GNAI1: variants seen among roughly 807,000 people sequenced by gnomAD.
GNAI1 encodes the protein G protein subunit alpha i1.
Under a neutral mutation model 38.9 loss-of-function variants are expected in GNAI1, and 11 were observed. That is an observed-to-expected ratio of 0.28 (90% confidence interval 0.18 to 0.47). The LOEUF (loss-of-function observed/expected upper bound fraction) is 0.47, where lower values mean the gene tolerates loss of function less well. GNAI1 is among the 20% of genes least tolerant of loss of function. The pLI, the probability that GNAI1 is intolerant of heterozygous loss-of-function variation, is 0.99. For missense variants in GNAI1, 317 were observed against 436.9 expected (o/e 0.73, Z 2.45); for synonymous variants, 166 against 145.1 (o/e 1.14, Z -1.04).
intron 1 of GNAI1, among the ~76,000 whole-genome samples, chr7:80,166,914 C>G (rs993668819): frequency 3.3e-5 from 5 of 152,164 alleles, no homozygotes; most frequent in African/African-American, 1.2e-4. Flanking sequence ...ATGTATAAAG[C>G]ACTTTTGTCA....
At position 80,222,401 on chromosome 7, in the gene GNAI1, T is replaced by TTC. The variant is rs71079104; in HGVS notation, c.*4908_*4909insTC. ...AATTTAATTTTTTTTTTTTTTTTTT[T>TTC]CCTGAGACAGAGTTTCGTTCTTGTT... On this transcript the variant is annotated 3_prime_UTR_variant, in exon 8 of 8. Transcript: ENST00000649796. 7.6e-6 allele frequency among the ~76,000 whole-genome samples: 1 copy of TTC among 131,838 alleles called. No individual in the cohort carries two copies. The highest frequency in any genetic ancestry group is 2.5e-4 in the East Asian group (1 of 4,072). The allele number at this position is 131,838 out of a possible 152,430, so 86.5% of individuals were successfully genotyped here.
chr7:80,208,925 T>C (rs536687670), intron 5 of GNAI1, among the ~76,000 whole-genome samples: 1 of 152,320 alleles, frequency 6.6e-6, no homozygotes, highest in South Asian at 2.1e-4. Flanking sequence ...CATGTTTTCA[T>C]TTCCTTCTGA....
rs80282766 is a variant in GNAI1, at chr7:80,187,876, G to A, written c.119-1075G>A. ...ATTGATCTAATTTGGTATAAAGATA[G>A]CAGCTATTGTTAAGTGGAAAGGGTA... On this transcript the variant is annotated intron_variant, in intron 1 of 7. Coordinates refer to ENST00000649796, the MANE Select transcript of GNAI1 (RefSeq NM_002069.6). Among the ~76,000 whole-genome samples the A allele has an allele frequency of 2.0e-3, 306 of 152,256 alleles. 8 individuals carry two copies. The East Asian group carries it at 0.048, about 24-fold the overall frequency.
chr7:80,179,004 A>G (rs1484273357), intron 1 of GNAI1, among the ~76,000 whole-genome samples: 1 of 152,216 alleles, frequency 6.6e-6, no homozygotes. Context: ...ACAAAAGTGT[A>G]ATGTATTACA....
chr7:80,160,878 C>T (rs1227293275), intron 1 of GNAI1, among the ~76,000 whole-genome samples: 3 of 151,838 alleles, frequency 2.0e-5, no homozygotes, highest in Non-Finnish European at 4.4e-5. Flanking sequence ...AAAAAAATGT[C>T]CTGGTAACTA....
Position 80,221,764 on chromosome 7 carries a change from T to C in GNAI1, c.*4271T>C, listed in dbSNP as rs574343923. On this transcript the variant is annotated 3_prime_UTR_variant, in exon 8 of 8. Transcript: ENST00000649796. Reference sequence around the variant, plus strand: ...TTCAAGCAATTGTCCTGCCTCAGCCTCCCGAGTAGCTGGGATTACAGGCAT... The same window carrying C: ...TTCAAGCAATTGTCCTGCCTCAGCCCCCCGAGTAGCTGGGATTACAGGCAT... Among the ~76,000 whole-genome samples, 63 of 144,396 alleles carry C rather than the reference T, an allele frequency of 4.4e-4. No individual in the cohort carries two copies. Among genetic ancestry groups the C allele is most frequent in the African/African-American group, 1.6e-3 (63 of 39,276 alleles). 94.7% of individuals were successfully genotyped at this position (144,396 alleles called of 152,430 possible). A position where few individuals can be genotyped will look rare whatever the true frequency, so the allele number is the denominator to read the frequency against.
chr7:80,194,031 A>G (rs762321991), intron 3 of GNAI1, among the ~76,000 whole-genome samples: 1 of 152,028 alleles, frequency 6.6e-6, no homozygotes, highest in Non-Finnish European at 1.5e-5. Context: ...TACTTTCATT[A>G]GTTAGTTTGT....
rs1308443107 is a variant in GNAI1 at position 80,219,941 on chromosome 7, C to G, written c.*2448C>G. Among the ~76,000 whole-genome samples, 3 of 152,234 alleles carry G rather than the reference C, an allele frequency of 2.0e-5. No homozygotes were observed. The highest frequency in any genetic ancestry group is 7.2e-5 in the African/African-American group (3 of 41,548). On this transcript the variant is annotated 3_prime_UTR_variant, in exon 8 of 8. Coordinates refer to ENST00000649796, the MANE Select transcript of GNAI1 (RefSeq NM_002069.6). ...TTTTTTGTTTGTTTTCCTTTCTATT[C>G]CTACTACTACCTATTCAAGTCTTTG... is the stretch of plus-strand genomic sequence containing the variant.
chr7:80,186,157 C>T (rs550796924), intron 1 of GNAI1, among the ~76,000 whole-genome samples: 2 of 151,730 alleles, frequency 1.3e-5, no homozygotes, highest in South Asian at 2.1e-4. Flanking sequence ...CTCAGCCTCC[C>T]GAGTAGCTGG....
Position 80,180,561 on chromosome 7 carries a change from G to A in GNAI1, c.119-8390G>A, listed in dbSNP as rs961229440. The stretch of plus-strand genomic sequence containing the variant: ...TATTTGGCCTTCACTTGGTACAGAT[G>A]CCTCATTAACCTCCTTTGTTTTTCC... On this transcript the variant is annotated intron_variant, in intron 1 of 7. Transcript: ENST00000649796. Among the ~76,000 whole-genome samples, 4 of 152,210 alleles carry A rather than the reference G, an allele frequency of 2.6e-5. No homozygotes were observed. The East Asian group carries it at 7.7e-4, about 29-fold the overall frequency.
Position 80,210,979 on chromosome 7 carries a change from G to A in GNAI1, c.601G>A (p.Val201Met). The change falls in exon 6 of 8, where the codon GTG becomes ATG. Residue 201 changes from valine (V) to methionine (M), a missense_variant. Coordinates refer to ENST00000649796, the MANE Select transcript of GNAI1 (RefSeq NM_002069.6). ...FKDLHFKMFD[V>M]GGQRSERKKW... ...TTCTCCTCTTAACAGAATGTTTGATGTGGGAGGTCAGAGATCTGAGCGGAA... is the reference window on the plus strand; with the variant it reads ...TTCTCCTCTTAACAGAATGTTTGATATGGGAGGTCAGAGATCTGAGCGGAA... The A allele has an allele frequency of 1.2e-6, 2 of 1,613,200 alleles. No individual in the cohort carries two copies. Among genetic ancestry groups the A allele is most frequent in the Non-Finnish European group, 1.7e-6 (2 of 1,179,184 alleles).
chr7:80,159,294 A>C (rs1787876866), intron 1 of GNAI1, among the ~76,000 whole-genome samples: 1 of 152,154 alleles, frequency 6.6e-6, no homozygotes, highest in Non-Finnish European at 1.5e-5. Flanking sequence ...CACCATACTC[A>C]GAAACATAGT....
At chr7:80,198,403 A>G (rs188551748) in intron 3 of GNAI1, among the ~76,000 whole-genome samples, 2 of 152,284 alleles carry the variant, frequency 1.3e-5, no homozygotes, top group Admixed American at 6.5e-5. Context: ...GTTGCACATT[A>G]TATTTCTCTT....
intron 7 of GNAI1, 66 bp from the exon 8 acceptor site, chr7:80,217,237 A>ACTT: frequency 9.6e-7 from 1 of 1,037,960 alleles, no homozygotes; most frequent in Non-Finnish European, 1.4e-6. Flanking sequence ...TATGAAACTG[A>ACTT]ATTCAGTATT....
rs776863773 is a variant in GNAI1 at position 80,212,805 on chromosome 7, G to A, written c.810G>A (p.Lys270=). The stretch of plus-strand genomic sequence containing the variant: ...CATCCATTATACTTTTTCTAAACAA[G>A]AAGGATCTCTTTGAAGAAAAAATCA... ...TDTSIILFLN[K]KDLFEEKIKK... The change falls in exon 7 of 8, where the codon AAG becomes AAA. Residue 270 remains lysine (K), a synonymous_variant. Transcript: ENST00000649796. 7 of 1,578,664 alleles carry A rather than the reference G, an allele frequency of 4.4e-6. 1 individual carries two copies. The South Asian group carries it at 8.3e-5, about 19-fold the overall frequency.
rs111693489 is a variant in GNAI1, at chr7:80,217,433, T to A, written c.1005T>A (p.Val335=). Residue 335 remains valine (V), a synonymous_variant, in exon 8 of 8, where the codon GTT becomes GTA. Transcript: ENST00000649796. ...CATDTKNVQF[V]FDAVTDVIIK... ...CAGATACTAAGAATGTGCAGTTTGT[T>A]TTTGATGCTGTAACAGATGTCATCA... The A allele has an allele frequency of 1.2e-6, 2 of 1,611,112 alleles. No individual in the cohort carries two copies. Among genetic ancestry groups the A allele is most frequent in the Non-Finnish European group, 1.7e-6 (2 of 1,178,364 alleles).
rs1397589983 is a variant in GNAI1, at chr7:80,220,288, A to G, written c.*2795A>G. ...AGTGCCTACAATGTGGGAAGTGTTC[A>G]TTTGTGTCTGTCAATGTTATTTTTA... On this transcript the variant is annotated 3_prime_UTR_variant, in exon 8 of 8. Coordinates refer to ENST00000649796, the MANE Select transcript of GNAI1 (RefSeq NM_002069.6). Among the ~76,000 whole-genome samples, 1 of 152,190 alleles carries G rather than the reference A, an allele frequency of 6.6e-6. No individual in the cohort carries two copies. Among genetic ancestry groups the G allele is most frequent in the Non-Finnish European group, 1.5e-5 (1 of 68,030 alleles).
chr7:80,164,669 C>A (rs540367004), intron 1 of GNAI1, among the ~76,000 whole-genome samples: 1 of 152,268 alleles, frequency 6.6e-6, no homozygotes, highest in Non-Finnish European at 1.5e-5. Flanking sequence ...GAGTTGTCTT[C>A]AGAATTGGCA....
chr7:80,135,536 C>G (rs1246609254), intron 1 of GNAI1: 2 of 383,238 alleles, frequency 5.2e-6, no homozygotes, highest in Admixed American at 9.2e-5. Context: ...TGCGACCCAG[C>G]AAAGAGCCCA....
Sources: gnomAD v4.1 joint callset for allele counts (sites outside exome capture counted in the v4.1 genomes callset) on GRCh38, gnomAD v4.1.1 for gene constraint, MANE v1.5 for transcripts, NCBI Gene and HGNC (gene_info 2026-07-23, HGNC 2026-07-21) for gene names.